The following CREG2 variants were observed in gnomAD, a reference collection of about 807,000 sequenced individuals.
CREG2 encodes the protein protein CREG2.
CREG2 carries 24 observed loss-of-function variants against 26.2 expected under a neutral mutation model. The ratio of observed to expected loss-of-function variants is 0.92; its 90% confidence interval spans 0.66 to 1.29. CREG2 has a LOEUF of 1.29. Among genes scored for constraint, CREG2 ranks in the 50% most tolerant of loss-of-function variants. The pLI, the probability that CREG2 is intolerant of heterozygous loss-of-function variation, is 0.00. For missense variants in CREG2, 366 were observed against 398.6 expected, an observed-to-expected ratio of 0.92 and a Z score of 0.70; for synonymous variants, 174 against 169.2, an observed-to-expected ratio of 1.03 and a Z score of -0.22.
chr2:101,355,106 T>C (rs1684436556), intron 3 of CREG2, 147 bp downstream of exon 3: 1 of 615,638 alleles, frequency 1.6e-6, no homozygotes, highest in Admixed American at 2.7e-5. Flanking sequence ...GTGATCTCCA[T>C]AGCCAGGCTG....
chr2:101,374,090 A>G (rs1204394493), intron 2 of CREG2, among the ~76,000 whole-genome samples: 1 of 152,164 alleles, frequency 6.6e-6, no homozygotes, highest in Non-Finnish European at 1.5e-5. Flanking sequence ...GCCTGCCCTG[A>G]GTCGTTTTTA....
chr2:101,382,925 C>CG, intron 2 of CREG2: 2 of 985,660 alleles, frequency 2.0e-6, no homozygotes, highest in Non-Finnish European at 2.4e-6. Flanking sequence ...AGACATTTCC[C>CG]GGGGAGGATG....
rs192365582 is a variant in CREG2, at chr2:101,366,557, T to A, written c.612-11191A>T. Among the ~76,000 whole-genome samples, 331 of 152,214 alleles carry A rather than the reference T, an allele frequency of 2.2e-3. 1 individual carries two copies. The highest frequency in any genetic ancestry group is 7.2e-3 in the African/African-American group (300 of 41,540). On this transcript the variant is annotated intron_variant, in intron 2 of 3. Coordinates refer to ENST00000324768, the MANE Select transcript of CREG2 (RefSeq NM_153836.4). ...ATACAAATAGGCCAGGCGCAGTGGC[T>A]CATGCCTGTAATCCCAGCACTTTGG...
At chr2:101,355,677 C>T (rs1013003762) in intron 2 of CREG2, among the ~76,000 whole-genome samples, 2 of 151,814 alleles carry the variant, frequency 1.3e-5, no homozygotes, top group Non-Finnish European at 2.9e-5. Context: ...AGTTCCCTGA[C>T]CCCCTCGAGG....
rs570557437 is a variant in CREG2, at chr2:101,347,023, C to T, written c.*3900G>A. Reference sequence around the variant, plus strand: ...TCCCTGGCAACCCCTAATCTATTCTCCATTCCTATAATTTTGCATTTCAAA... The same window carrying T: ...TCCCTGGCAACCCCTAATCTATTCTTCATTCCTATAATTTTGCATTTCAAA... On this transcript the variant is annotated 3_prime_UTR_variant, in exon 4 of 4. Transcript: ENST00000324768. 6.6e-6 allele frequency: 1 copy of T among 152,334 alleles called. No homozygotes were observed. The highest frequency in any genetic ancestry group is 2.1e-4 in the South Asian group (1 of 4,820). 9.4% of individuals were successfully genotyped at this position (152,334 alleles called of 1,614,324 possible). A position where few individuals can be genotyped will look rare whatever the true frequency, so the allele number is the denominator to read the frequency against.
intron 2 of CREG2, among the ~76,000 whole-genome samples, chr2:101,367,424 A>T (rs1214565809): frequency 6.6e-6 from 1 of 152,182 alleles, no homozygotes; most frequent in Non-Finnish European, 1.5e-5. Context: ...GAGCCATTTT[A>T]ATTTCTATAT....
chr2:101,370,195 A>G (rs1465434060), intron 2 of CREG2, among the ~76,000 whole-genome samples: 2 of 152,176 alleles, frequency 1.3e-5, no homozygotes, highest in Non-Finnish European at 2.9e-5. Flanking sequence ...CTCTTATAAG[A>G]ATCAGGTGAG....
chr2:101,386,213 C>T (rs1684964555), intron 1 of CREG2, among the ~76,000 whole-genome samples: 1 of 152,118 alleles, frequency 6.6e-6, no homozygotes, highest in African/African-American at 2.4e-5. Context: ...TTGGTGAGAC[C>T]CAGAGCTGGG....
chr2:101,378,173 G>A (rs1237937241), intron 2 of CREG2, among the ~76,000 whole-genome samples: 2 of 152,164 alleles, frequency 1.3e-5, no homozygotes, highest in African/African-American at 2.4e-5. Flanking sequence ...CTGCTTCTAT[G>A]AGTCGACTTA....
At chr2:101,363,746 A>G (rs922453410) in intron 2 of CREG2, among the ~76,000 whole-genome samples, 7 of 152,034 alleles carry the variant, frequency 4.6e-5, no homozygotes, top group Non-Finnish European at 1.0e-4. Context: ...GCTACTCAGG[A>G]GGCTGAGGCA....
At chr2:101,363,504 A>C (rs1684575054) in intron 2 of CREG2, among the ~76,000 whole-genome samples, 1 of 151,938 alleles carries the variant, frequency 6.6e-6, no homozygotes, top group Non-Finnish European at 1.5e-5. Flanking sequence ...CTTCCCAAAC[A>C]CTTTATGTCT....
chr2:101,354,482 C>T (rs186792917), intron 3 of CREG2, among the ~76,000 whole-genome samples: 3 of 152,214 alleles, frequency 2.0e-5, no homozygotes, highest in South Asian at 2.1e-4. Context: ...GGTTGTGGAT[C>T]GCCCCTCCAG....
chr2:101,351,084 G>T lies in CREG2; in HGVS notation c.726-14C>A. ...ATCCCTGGGTGCCTGCAGGAATAAA[G>T]AGAGACCACAGTAAAGCTGCTCTTA... is the stretch of plus-strand genomic sequence containing the variant. On this transcript the variant is annotated splice_polypyrimidine_tract_variant and intron_variant, in intron 3 of 3. Coordinates refer to ENST00000324768, the MANE Select transcript of CREG2 (RefSeq NM_153836.4). The T allele has an allele frequency of 6.2e-7, 1 of 1,613,110 alleles. No homozygotes were observed. Among genetic ancestry groups the T allele is most frequent in the Non-Finnish European group, 8.5e-7 (1 of 1,179,518 alleles).
In CREG2 at chr2:101,387,139, G is replaced by A; in HGVS notation, c.319C>T (p.Arg107Trp). 1 of 1,253,434 alleles carries A rather than the reference G, an allele frequency of 8.0e-7. No homozygotes were observed. 77.6% of individuals were successfully genotyped at this position (1,253,434 alleles called of 1,614,324 possible). Residue 107 changes from arginine to tryptophan, a missense_variant, in exon 1 of 4, where the codon CGG (arginine) becomes TGG (tryptophan). By Grantham distance (101) the Arg-to-Trp change is moderately radical. Coordinates refer to ENST00000324768, the MANE Select transcript of CREG2 (RefSeq NM_153836.4). This position sits in a 1 kb window ranked among gnomAD's most constrained non-coding sequence, Gnocchi z 4.7. The stretch of plus-strand genomic sequence containing the variant: ...CTGGCCGTCTGGCCGCCCTCGCGCC[G>A]GTAGGAGAACATCCCGGGTGGCGCG... The part of the protein sequence containing the change: ...PPAPPGMFSY[R>W]REGGQTASAP...
chr2:101,384,141 G>A (rs748672123), intron 1 of CREG2, among the ~76,000 whole-genome samples: 1 of 152,178 alleles, frequency 6.6e-6, no homozygotes, highest in South Asian at 2.1e-4. Flanking sequence ...CAACTTTAGG[G>A]AGGATGTTTA....
At chr2:101,361,569 G>A (rs1684539775) in intron 2 of CREG2, among the ~76,000 whole-genome samples, 1 of 152,186 alleles carries the variant, frequency 6.6e-6, no homozygotes, top group Non-Finnish European at 1.5e-5. Flanking sequence ...TCTGCCCCAG[G>A]GCTTCCAAAA....
At chr2:101,381,133 T>G (rs1053288444) in intron 2 of CREG2, among the ~76,000 whole-genome samples, 4 of 152,200 alleles carry the variant, frequency 2.6e-5, no homozygotes, top group Middle Eastern at 3.2e-3. Context: ...CTGAAGCACG[T>G]GACGACGATC....
intron 2 of CREG2, among the ~76,000 whole-genome samples, chr2:101,380,218 C>T (rs931641894): frequency 3.3e-5 from 5 of 152,222 alleles, no homozygotes; most frequent in South Asian, 4.1e-4. Flanking sequence ...AGCCTGTCCT[C>T]GGAATAGTCT....
intron 2 of CREG2, among the ~76,000 whole-genome samples, chr2:101,372,529 C>T (rs1349249401): frequency 1.3e-5 from 2 of 152,158 alleles, no homozygotes; most frequent in Admixed American, 1.3e-4. Flanking sequence ...CACTAGAGAA[C>T]TTAGGTACAC....
Sources: gnomAD v4.1 joint callset for allele counts (sites outside exome capture counted in the v4.1 genomes callset) on GRCh38, gnomAD v4.1.1 for gene constraint, Gnocchi (gnomAD v3.1) non-coding constraint, MANE v1.5 for transcripts, NCBI Gene and HGNC (gene_info 2026-07-23, HGNC 2026-07-21) for gene names.